CSTF2: variants seen among roughly 807,000 people sequenced by gnomAD.
The protein encoded by CSTF2 is cleavage stimulation factor subunit 2.
Under a neutral mutation model 45.4 loss-of-function variants are expected in CSTF2, and 8 were observed. The ratio of observed to expected loss-of-function variants is 0.18; its 90% confidence interval spans 0.10 to 0.32. The LOEUF is 0.32. Among genes scored for constraint, CSTF2 ranks in the 10% least tolerant of loss-of-function variants. The pLI is 1.00. For synonymous variants in CSTF2, 155 were observed against 158.9 expected (o/e 0.98, Z 0.18); for missense variants, 253 against 477.1 (o/e 0.53, Z 4.38).
intron 11 of CSTF2, among the ~76,000 whole-genome samples, chrX:100,833,932 G>C (rs746084377): frequency 7.1e-5 from 8 of 112,099 alleles, no homozygotes; most frequent in Non-Finnish European, 1.3e-4. Flanking sequence ...TATATGAAGA[G>C]CTGTTAGTGG....
At position 100,837,459 on chromosome X, in the gene CSTF2, ACTGT is replaced by A. The variant is rs1196289097; in HGVS notation, c.1611+14_1611+17del. On this transcript the variant is annotated intron_variant, in intron 12 of 13. Coordinates refer to ENST00000372972, the MANE Select transcript of CSTF2 (RefSeq NM_001325.3). ...ACAGGATCATGAGAAGGTAAGCAACACTGTCTGACTGCCTCCTTATGCACAATTC... is the reference window on the plus strand; with the variant it reads ...ACAGGATCATGAGAAGGTAAGCAACACTGACTGCCTCCTTATGCACAATTC... 4 of 1,073,602 alleles carry A rather than the reference ACTGT, an allele frequency of 3.7e-6. No homozygotes were observed. The highest frequency in any genetic ancestry group is 1.9e-5 in the South Asian group (1 of 51,683). 88.5% of individuals were successfully genotyped at this position (1,073,602 alleles called of 1,213,427 possible).
rs1253155867 is a variant in CSTF2 at position 100,838,119 on chromosome X, G to A, written c.1612-120G>A. 3 of 651,726 alleles carry A rather than the reference G, an allele frequency of 4.6e-6. No homozygotes were observed. The African/African-American group carries it at 7.1e-5, about 15-fold the overall frequency. 53.7% of individuals were successfully genotyped at this position (651,726 alleles called of 1,213,427 possible). On this transcript the variant is annotated intron_variant, in intron 12 of 13. Transcript: ENST00000372972. ...GAAATGTTCTTCCTTTTTCCATTTT[G>A]CTTCATATCCCACTACAGTAGCTTT...
chrX:100,825,126 A>C (rs2084937463), intron 6 of CSTF2, among the ~76,000 whole-genome samples: 1 of 112,258 alleles, frequency 8.9e-6, no homozygotes, highest in African/African-American at 3.2e-5. Context: ...TAATATATTG[A>C]GTATGTAATG....
Position 100,840,833 on chromosome X carries a change from C to T in CSTF2, c.*123C>T, listed in dbSNP as rs1250609242. 1 of 112,075 alleles carries T rather than the reference C, an allele frequency of 8.9e-6. No individual in the cohort carries two copies. Among genetic ancestry groups the T allele is most frequent in the African/African-American group, 3.2e-5 (1 of 30,837 alleles). 9.2% of individuals were successfully genotyped at this position (112,075 alleles called of 1,213,427 possible). ...AAATCAGTGCCAGGTGGAGGACTCC[C>T]ATCACCTTCTCTCAGAACAAAATCA... On this transcript the variant is annotated 3_prime_UTR_variant, in exon 14 of 14. Coordinates refer to ENST00000372972, the MANE Select transcript of CSTF2 (RefSeq NM_001325.3).
At chrX:100,825,253 T>C (rs1326706285) in intron 6 of CSTF2, among the ~76,000 whole-genome samples, 4 of 111,970 alleles carry the variant, frequency 3.6e-5, no homozygotes, top group Non-Finnish European at 7.5e-5. Flanking sequence ...TATTTACTTA[T>C]TTATTTCCTA....
chrX:100,832,602 A>C, intron 9 of CSTF2, 132 bp from the exon 10 acceptor site: 2 of 509,524 alleles, frequency 3.9e-6, no homozygotes, highest in Non-Finnish European at 6.1e-6. Context: ...TCTTCCATCT[A>C]TTTGGTGTTA....
rs2084911057 is a variant in CSTF2 at position 100,820,392 on chromosome X, C to T, written c.-25C>T. The stretch of plus-strand genomic sequence containing the variant: ...CTCCGTACGGAAGTGTGCTTTGGCG[C>T]ACCGGAAGCCGACTCAACAGAGCTA... On this transcript the variant is annotated 5_prime_UTR_variant, in exon 1 of 14. Coordinates refer to ENST00000372972, the MANE Select transcript of CSTF2 (RefSeq NM_001325.3). 8.3e-7 allele frequency: 1 copy of T among 1,208,762 alleles called. No individual in the cohort carries two copies. The highest frequency in any genetic ancestry group is 1.1e-6 in the Non-Finnish European group (1 of 892,480).
Position 100,833,396 on chromosome X carries a change from G to A in CSTF2, c.1424G>A (p.Arg475Lys). 8.3e-7 allele frequency: 1 copy of A among 1,209,153 alleles called. No homozygotes were observed. The highest frequency in any genetic ancestry group is 1.1e-6 in the Non-Finnish European group (1 of 894,158). Residue 475 changes from arginine to lysine, a missense_variant, in exon 11 of 14, where the codon AGA becomes AAA. Transcript: ENST00000372972. Reference protein sequence around the residue: ...MDTRGPVPGPRGPIPSGMQGP... With the variant: ...MDTRGPVPGPKGPIPSGMQGP... ...ACCAGAGGCCCAGTGCCTGGCCCCA[G>A]AGGACCTATACCTAGTGGAATGCAG...
intron 8 of CSTF2, among the ~76,000 whole-genome samples, chrX:100,828,394 G>A (rs904416577): frequency 7.2e-5 from 8 of 111,799 alleles, no homozygotes; most frequent in African/African-American, 2.0e-4. Context: ...TGGTGATTCA[G>A]AGTCCAGCTC....
At chrX:100,825,674 A>G (rs1197057543) in intron 6 of CSTF2, among the ~76,000 whole-genome samples, 2 of 111,785 alleles carry the variant, frequency 1.8e-5, no homozygotes, top group Non-Finnish European at 3.8e-5. Flanking sequence ...GCCATAGGCA[A>G]TAAGTGAACA....
chrX:100,838,128 C>T, intron 12 of CSTF2, 111 bp from the exon 13 acceptor site: 2 of 762,801 alleles, frequency 2.6e-6, no homozygotes, highest in Non-Finnish European at 1.8e-6. Flanking sequence ...TGCTTCATAT[C>T]CCACTACAGT....
At chrX:100,827,902 T>G in intron 7 of CSTF2, 138 bp from the exon 8 acceptor site, 2 of 415,742 alleles carry the variant, frequency 4.8e-6, no homozygotes, top group Non-Finnish European at 8.3e-6. Context: ...TCTCTCTCAT[T>G]GCATTGTTGA....
intron 13 of CSTF2, among the ~76,000 whole-genome samples, chrX:100,838,851 A>G (rs1475667295): frequency 9.0e-6 from 1 of 111,576 alleles, no homozygotes. Flanking sequence ...ATAGTAGCAC[A>G]TAATTTAAGG....
chrX:100,835,972 TA>T (rs905814337), intron 11 of CSTF2, among the ~76,000 whole-genome samples: 1 of 110,611 alleles, frequency 9.0e-6, no homozygotes, highest in African/African-American at 3.3e-5. Flanking sequence ...TAAAAAATTT[TA>T]AAAAAAAAGA....
At chrX:100,832,987 A>G (rs2084984962) in intron 10 of CSTF2, 78 bp downstream of exon 10, 1 of 1,059,450 alleles carries the variant, frequency 9.4e-7, no homozygotes, top group South Asian at 2.3e-5. Flanking sequence ...GAATGCTGGA[A>G]CAGTAGGTTT....
chrX:100,835,983 A>G (rs764219582), intron 11 of CSTF2, among the ~76,000 whole-genome samples: 22 of 111,968 alleles, frequency 2.0e-4, no homozygotes, highest in African/African-American at 6.5e-4. Context: ...AAAAAAAAAG[A>G]TTATACTCAT....
intron 8 of CSTF2, chrX:100,830,852 A>G (rs777416330): frequency 9.6e-5 from 111 of 1,152,187 alleles, no homozygotes; most frequent in Middle Eastern, 2.3e-4. Context: ...GCCTGCATCA[A>G]TTGAGCGAGT....
At chrX:100,822,223 G>T in intron 2 of CSTF2, 28 bp from the exon 3 acceptor site, 1 of 1,178,942 alleles carries the variant, frequency 8.5e-7, no homozygotes, top group East Asian at 3.0e-5. Flanking sequence ...TGTAACATTT[G>T]TTCCTGACAC....
chrX:100,833,251 G>A lies in CSTF2; in HGVS notation c.1279G>A (p.Ala427Thr). 8.3e-7 allele frequency: 1 copy of A among 1,210,575 alleles called. No individual in the cohort carries two copies. Among genetic ancestry groups the A allele is most frequent in the African/African-American group, 1.7e-5 (1 of 57,760 alleles). The change falls in exon 11 of 14, where the codon GCC becomes ACC. Residue 427 changes from alanine to threonine, a missense_variant. By Grantham distance (58) the Ala-to-Thr change is moderately conservative. This residue lies in a region of CSTF2 where 200 missense variants were observed against 294.0 expected (regional missense o/e 0.68). Transcript: ENST00000372972. ...AGCCATGGAGGCAAGAGGGTTAGAT[G>A]CCAGAGGATTAGAGGCCCGTGCAAT... is the stretch of plus-strand genomic sequence containing the variant. ...ARAMEARGLDARGLEARAMEA... is the reference protein window; with the variant it reads ...ARAMEARGLDTRGLEARAMEA...
Sources: allele counts gnomAD v4.1 joint callset (sites outside exome capture counted in the v4.1 genomes callset), GRCh38; gene constraint gnomAD v4.1.1; regional missense constraint gnomAD v4.1.1; transcripts MANE v1.5; gene names NCBI Gene and HGNC (gene_info 2026-07-23, HGNC 2026-07-21).